PCDH7: variants seen among roughly 807,000 people sequenced by gnomAD.
PCDH7 encodes protocadherin-7.
In PCDH7, 17 loss-of-function variants were observed where a neutral mutation model predicts 58.9. That is an observed-to-expected ratio of 0.29 (90% CI 0.20 to 0.43). The LOEUF (loss-of-function observed/expected upper bound fraction) is 0.43, where lower values mean the gene tolerates loss of function less well. Among genes scored for constraint, PCDH7 ranks in the 20% least tolerant of loss-of-function variants. The pLI, the probability that PCDH7 is intolerant of heterozygous loss-of-function variation, is 1.00. For missense variants in PCDH7, 1,274 were observed against 1,441.0 expected, an observed-to-expected ratio of 0.88 and a Z score of 1.88; for synonymous variants, 664 against 616.4, an observed-to-expected ratio of 1.08 and a Z score of -1.14.
chr4:30,731,093 A>G, exon 2 of PCDH7: 1 of 1,085,838 alleles, frequency 9.2e-7, no homozygotes, highest in Non-Finnish European at 1.1e-6. Context: ...CTTTTAAAAA[A>G]TCCAAAAGCA....
chr4:30,894,126 C>T lies in PCDH7; in HGVS notation c.71-26027C>T, dbSNP rs567645134. The stretch of plus-strand genomic sequence containing the variant: ...GAAATTATTTCTGTAGGAATATGAA[C>T]CTTGTATTCTGAAGGATTATCTCCA... On this transcript the variant is annotated intron_variant, in intron 1 of 3. Transcript: ENST00000509759. Among the ~76,000 whole-genome samples the T allele has an allele frequency of 2.0e-5, 3 of 152,112 alleles. No homozygotes were observed. The South Asian group carries it at 6.2e-4, about 32-fold the overall frequency.
intron 3 of PCDH7, among the ~76,000 whole-genome samples, chr4:31,054,169 T>C (rs1756967573): frequency 6.6e-6 from 1 of 152,130 alleles, no homozygotes; most frequent in African/African-American, 2.4e-5. Context: ...TTTCACCATG[T>C]TGCCCAGGCT....
chr4:30,851,121 T>C (rs906226749), intron 1 of PCDH7, among the ~76,000 whole-genome samples: 11 of 152,032 alleles, frequency 7.2e-5, no homozygotes, highest in Non-Finnish European at 1.5e-4. Context: ...CTGTAGACCC[T>C]GAAGCTGAGA....
At position 30,853,332 on chromosome 4, in the gene PCDH7, C is replaced by T. The variant is rs1018738187; in HGVS notation, c.71-66821C>T. Among the ~76,000 whole-genome samples the T allele has an allele frequency of 2.6e-5, 4 of 152,132 alleles. No homozygotes were observed. In the East Asian group the frequency reaches 5.8e-4, roughly 22 times the overall value. On this transcript the variant is annotated intron_variant, in intron 1 of 3. Transcript: ENST00000509759. Reference sequence around the variant, plus strand: ...GGAATCAAATGTCTAGGAGAGTGTGCGGTGAGTATTAGATATTTAGGAAAT... The same window carrying T: ...GGAATCAAATGTCTAGGAGAGTGTGTGGTGAGTATTAGATATTTAGGAAAT...
chr4:30,940,211 T>C (rs1411940949), intron 2 of PCDH7, among the ~76,000 whole-genome samples: 4 of 152,164 alleles, frequency 2.6e-5, no homozygotes, highest in Middle Eastern at 3.4e-3. Context: ...TTAAAAAGTA[T>C]TGGTCCCCAT....
chr4:30,766,517 A>G (rs1720772098), intron 1 of PCDH7, among the ~76,000 whole-genome samples: 1 of 152,158 alleles, frequency 6.6e-6, no homozygotes, highest in South Asian at 2.1e-4. Flanking sequence ...ATTTAATCTT[A>G]AGACAACTGC....
chr4:30,778,389 A>G (rs886265491), intron 1 of PCDH7, among the ~76,000 whole-genome samples: 8 of 152,158 alleles, frequency 5.3e-5, no homozygotes, highest in African/African-American at 1.9e-4. Flanking sequence ...ATTTTGAAGT[A>G]TAAGATTTTC....
Position 30,721,414 on chromosome 4 carries a change from CAGG to C in PCDH7, c.-6_-4del, listed in dbSNP as rs2109223203. 2.7e-6 allele frequency: 4 copies of C among 1,486,700 alleles called. No individual in the cohort carries two copies. The highest frequency in any genetic ancestry group is 3.6e-6 in the Non-Finnish European group (4 of 1,120,570). 92.1% of individuals were successfully genotyped at this position (1,486,700 alleles called of 1,614,324 possible). A position where few individuals can be genotyped will look rare whatever the true frequency, so the allele number is the denominator to read the frequency against. On this transcript the variant is annotated 5_prime_UTR_variant, in exon 1 of 2. Coordinates refer to ENST00000361762, the Ensembl canonical transcript of PCDH7. This position sits in a 1 kb window ranked among gnomAD's most constrained non-coding sequence, Gnocchi z 6.7. ...TTAGAAGGAGCAGTAGCAGCAGCAG[CAGG>C]AGAAGATGCTGAGGATGCGGACCGC...
At chr4:31,035,598 G>A (rs1755343224) in intron 3 of PCDH7, among the ~76,000 whole-genome samples, 1 of 152,052 alleles carries the variant, frequency 6.6e-6, no homozygotes, top group South Asian at 2.1e-4. Context: ...CTTCTGTAGT[G>A]GCTGATATCA....
At chr4:30,749,237 C>T (rs1718176030) in intron 1 of PCDH7, among the ~76,000 whole-genome samples, 1 of 152,122 alleles carries the variant, frequency 6.6e-6, no homozygotes, top group Admixed American at 6.6e-5. Context: ...TCAATTAATG[C>T]CCCCTCAGAT....
chr4:30,819,588 T>C (rs1291147931), intron 1 of PCDH7, among the ~76,000 whole-genome samples: 1 of 152,168 alleles, frequency 6.6e-6, no homozygotes, highest in Non-Finnish European at 1.5e-5. Context: ...AGATTGTCTA[T>C]CCCTGCCATT....
downstream of PCDH7, among the ~76,000 whole-genome samples, chr4:30,735,087 T>G (rs940115166): frequency 5.3e-5 from 8 of 151,960 alleles, no homozygotes; most frequent in African/African-American, 1.9e-4. Flanking sequence ...TTGAGGCAAG[T>G]AAGAGACGCA....
At chr4:30,911,201 C>T (rs1488565413) in intron 1 of PCDH7, among the ~76,000 whole-genome samples, 1 of 151,738 alleles carries the variant, frequency 6.6e-6, no homozygotes, top group Non-Finnish European at 1.5e-5. Context: ...GGAGAAATAC[C>T]TAATGTAGGT....
At chr4:30,787,033 G>T (rs948960602) in intron 1 of PCDH7, among the ~76,000 whole-genome samples, 49 of 152,054 alleles carry the variant, frequency 3.2e-4, no homozygotes, top group African/African-American at 1.2e-3. Flanking sequence ...ATAAAGGAGG[G>T]ATGTGAGAGA....
intron 1 of PCDH7, among the ~76,000 whole-genome samples, chr4:30,837,174 T>C (rs1730581688): frequency 6.6e-6 from 1 of 152,122 alleles, no homozygotes; most frequent in African/African-American, 2.4e-5. Flanking sequence ...GGAGCAAATA[T>C]GCACCAAAGC....
rs1036187667 is a variant in PCDH7, at chr4:30,766,137, A to T, written c.70+41541A>T. Among the ~76,000 whole-genome samples, 3 of 151,674 alleles carry T rather than the reference A, an allele frequency of 2.0e-5. No homozygotes were observed. In the East Asian group the frequency reaches 5.8e-4, roughly 29 times the overall value. ...GGAAAAAAAAAAGGAACTGATTCTGATGAAAAGCCCCCTCTAATTGCAAAA... is the reference window on the plus strand; with the variant it reads ...GGAAAAAAAAAAGGAACTGATTCTGTTGAAAAGCCCCCTCTAATTGCAAAA... On this transcript the variant is annotated intron_variant, in intron 1 of 3. Coordinates refer to the PCDH7 transcript ENST00000509759.
intron 1 of PCDH7, among the ~76,000 whole-genome samples, chr4:30,885,589 A>G (rs1041322086): frequency 5.9e-5 from 9 of 152,232 alleles, no homozygotes; most frequent in South Asian, 2.1e-4. Context: ...TCAAGCTACC[A>G]ATGACTTTCT....
chr4:30,739,481 T>C (rs1313464801), intron 1 of PCDH7, among the ~76,000 whole-genome samples: 6 of 148,502 alleles, frequency 4.0e-5, no homozygotes, highest in Admixed American at 1.3e-4. Flanking sequence ...TTCAGTGTAT[T>C]TAACTGTTGA....
At chr4:30,791,591 A>G (rs1724128752) in intron 1 of PCDH7, among the ~76,000 whole-genome samples, 1 of 152,218 alleles carries the variant, frequency 6.6e-6, no homozygotes, top group East Asian at 1.9e-4. Context: ...TTTGGAAAAG[A>G]TAACCCTGAT....
Sources: allele counts gnomAD v4.1 joint callset (sites outside exome capture counted in the v4.1 genomes callset), GRCh38; gene constraint gnomAD v4.1.1; non-coding constraint Gnocchi (gnomAD v3.1); transcripts MANE v1.5; gene names NCBI Gene and HGNC (gene_info 2026-07-23, HGNC 2026-07-21).